ANO4: variants seen among roughly 807,000 people sequenced by gnomAD.
ANO4 encodes the protein anoctamin 4, also known as anoctamin-4.
ANO4 carries 69 observed loss-of-function variants against 141.9 expected under a neutral mutation model. The ratio of observed to expected loss-of-function variants is 0.49; its 90% confidence interval spans 0.40 to 0.59. The LOEUF (loss-of-function observed/expected upper bound fraction) is 0.59, where lower values mean the gene tolerates loss of function less well. Ranked by LOEUF, ANO4 falls within the 20% of genes least tolerant of loss-of-function variation. The probability of loss-of-function intolerance (pLI) is 0.00; values close to 1 mark genes in which losing one functional copy is unlikely to be tolerated. For missense variants in ANO4, 894 were observed against 1,162.2 expected, an observed-to-expected ratio of 0.77 and a Z score of 3.36; for synonymous variants, 350 against 394.3, an observed-to-expected ratio of 0.89 and a Z score of 1.33.
At chr12:100,819,027 GTATGTGTGTATATA>G (rs1194363493) in intron 1 of ANO4, among the ~76,000 whole-genome samples, 1 of 125,728 alleles carries the variant, frequency 8.0e-6, no homozygotes, top group Non-Finnish European at 1.7e-5. Flanking sequence ...ATATATATAT[GTATGTGTGTATATA>G]TATATGTGTA....
At chr12:100,883,796 A>G (rs879872222) in intron 1 of ANO4, among the ~76,000 whole-genome samples, 14 of 152,248 alleles carry the variant, frequency 9.2e-5, no homozygotes, top group South Asian at 2.1e-4. Flanking sequence ...AAAAGATCAT[A>G]TAGAATGAAA....
chr12:100,899,633 A>C (rs1334038504), intron 1 of ANO4, among the ~76,000 whole-genome samples: 2 of 152,184 alleles, frequency 1.3e-5, no homozygotes, highest in East Asian at 3.9e-4. Flanking sequence ...TAGAGTTTAC[A>C]AATTGGCCCA....
intron 1 of ANO4, among the ~76,000 whole-genome samples, chr12:100,817,252 G>A (rs2135723330): frequency 6.6e-6 from 1 of 151,476 alleles, no homozygotes; most frequent in East Asian, 1.9e-4. Flanking sequence ...ATTTGCTAAG[G>A]TCAAAACAGG....
At chr12:100,879,407 G>T (rs984505832) in intron 1 of ANO4, among the ~76,000 whole-genome samples, 1 of 152,136 alleles carries the variant, frequency 6.6e-6, no homozygotes, top group Non-Finnish European at 1.5e-5. Context: ...TTCATTTGGG[G>T]ATTAGGGATT....
intron 1 of ANO4, among the ~76,000 whole-genome samples, chr12:100,850,614 T>C (rs1020841783): frequency 6.6e-6 from 1 of 152,184 alleles, no homozygotes; most frequent in African/African-American, 2.4e-5. Flanking sequence ...CCTAGGATCA[T>C]GAACACCACA....
chr12:100,887,922 CA>C (rs2039918931), intron 1 of ANO4, among the ~76,000 whole-genome samples: 1 of 152,036 alleles, frequency 6.6e-6, no homozygotes, highest in Non-Finnish European at 1.5e-5. Context: ...TGCCTAAGTC[CA>C]CAGAACACAA....
intron 2 of ANO4, among the ~76,000 whole-genome samples, chr12:100,902,117 A>G (rs1193143565): frequency 6.6e-6 from 1 of 152,206 alleles, no homozygotes; most frequent in Non-Finnish European, 1.5e-5. Flanking sequence ...TGCTCAGTTC[A>G]GGAAAGCTCA....
intron 13 of ANO4, among the ~76,000 whole-genome samples, chr12:101,045,467 G>A (rs1305182967): frequency 6.6e-6 from 1 of 152,162 alleles, no homozygotes; most frequent in Non-Finnish European, 1.5e-5. Flanking sequence ...TGACAGAATT[G>A]GAGTTATACA....
intron 3 of ANO4, among the ~76,000 whole-genome samples, chr12:100,781,883 C>A (rs1163349611): frequency 2.0e-5 from 3 of 152,154 alleles, no homozygotes; most frequent in African/African-American, 7.2e-5. Flanking sequence ...ATAATCAGTA[C>A]TACAAATGGG....
At chr12:100,924,577 T>C (rs527923934) in intron 3 of ANO4, among the ~76,000 whole-genome samples, 11 of 152,246 alleles carry the variant, frequency 7.2e-5, no homozygotes, top group Non-Finnish European at 1.2e-4. Context: ...GAACAATCCC[T>C]TTATATTACA....
chr12:101,093,339 A>G (rs1566238374), intron 17 of ANO4, among the ~76,000 whole-genome samples: 2 of 152,196 alleles, frequency 1.3e-5, no homozygotes, highest in South Asian at 4.1e-4. Flanking sequence ...TATAAAGAAA[A>G]GGATGGTCTG....
At chr12:101,006,244 C>G (rs2045866653) in intron 8 of ANO4, among the ~76,000 whole-genome samples, 1 of 152,072 alleles carries the variant, frequency 6.6e-6, no homozygotes, top group Non-Finnish European at 1.5e-5. Flanking sequence ...GTAAAATGAT[C>G]CTATTATAAA....
At chr12:100,875,775 G>T (rs1474677440) in intron 1 of ANO4, among the ~76,000 whole-genome samples, 2 of 152,056 alleles carry the variant, frequency 1.3e-5, no homozygotes, top group Admixed American at 6.6e-5. Flanking sequence ...ATGACTTTCA[G>T]ATTTTGGGCA....
In ANO4 at chr12:100,947,084, C is replaced by T. The variant is rs117650181; in HGVS notation, c.456+4549C>T. ...ATGGGAAGAGAAAATACAGAGACAA[C>T]GAATACAAACAGTTCTTTCAATATG... On this transcript the variant is annotated intron_variant, in intron 5 of 27. Coordinates refer to ENST00000392977, the MANE Select transcript of ANO4 (RefSeq NM_001286615.2). Among the ~76,000 whole-genome samples, 25 of 152,024 alleles carry T rather than the reference C, an allele frequency of 1.6e-4. No homozygotes were observed. The East Asian group carries it at 2.9e-3, about 18-fold the overall frequency.
chr12:101,057,526 T>C (rs2048172609), intron 14 of ANO4, among the ~76,000 whole-genome samples: 1 of 152,212 alleles, frequency 6.6e-6, no homozygotes, highest in Non-Finnish European at 1.5e-5. Flanking sequence ...CCAGCATCTG[T>C]TGTTTCCTGA....
intron 1 of ANO4, among the ~76,000 whole-genome samples, chr12:100,894,951 G>GC (rs2040275865): frequency 7.0e-6 from 1 of 142,864 alleles, no homozygotes; most frequent in Non-Finnish European, 1.5e-5. Flanking sequence ...GGGCGACAGA[G>GC]CGAGACTCCA....
chr12:101,008,734 T>C (rs689165), intron 8 of ANO4, among the ~76,000 whole-genome samples: 23,332 of 152,036 alleles, frequency 0.15, 2,115 homozygotes, highest in East Asian at 0.24. Context: ...TTTGGCAGAG[T>C]TTACCTAAAT....
chr12:100,732,796 A>C (rs1303247966), intron 1 of ANO4, among the ~76,000 whole-genome samples: 2 of 152,202 alleles, frequency 1.3e-5, no homozygotes, highest in African/African-American at 4.8e-5. Context: ...CTGGATTCTC[A>C]GCCTTTCCAT....
At chr12:100,733,988 C>G (rs750327432) in intron 2 of ANO4, 5 of 579,100 alleles carry the variant, frequency 8.6e-6, no homozygotes, top group African/African-American at 7.6e-5. Flanking sequence ...AGAATCAGAG[C>G]AATTGCTTGT....
Sources: gnomAD v4.1 joint callset for allele counts (sites outside exome capture counted in the v4.1 genomes callset) on GRCh38, gnomAD v4.1.1 for gene constraint, MANE v1.5 for transcripts, NCBI Gene and HGNC (gene_info 2026-07-23, HGNC 2026-07-21) for gene names.